TRMT13: variants seen among roughly 807,000 people sequenced by gnomAD.
TRMT13 encodes the protein tRNA:m(4)X modification enzyme TRM13 homolog.
Under a neutral mutation model 55.9 loss-of-function variants are expected in TRMT13, and 45 were observed. The ratio of observed to expected loss-of-function variants is 0.80; its 90% CI spans 0.63 to 1.03. TRMT13 has a LOEUF of 1.03. Among genes scored for constraint, TRMT13 ranks in the 50% least tolerant of loss-of-function variants. The pLI is 0.00. For synonymous variants in TRMT13, 183 were observed against 196.3 expected (o/e 0.93, Z 0.57); for missense variants, 513 against 563.9 (o/e 0.91, Z 0.91).
At chr1:100,134,335 G>T (rs902664862) in intron 1 of TRMT13, among the ~76,000 whole-genome samples, 4 of 152,106 alleles carry the variant, frequency 2.6e-5, no homozygotes, top group African/African-American at 9.7e-5. Context: ...TGTCCTTATA[G>T]TTCCACAGAA....
At chr1:100,138,150 G>T (rs17121940) in intron 3 of TRMT13, among the ~76,000 whole-genome samples, 1 of 152,154 alleles carries the variant, frequency 6.6e-6, no homozygotes, top group East Asian at 1.9e-4. Context: ...ATGCAAAGCA[G>T]TATTTATCTG....
chr1:100,137,162 C>A, intron 3 of TRMT13, 77 bp downstream of exon 3: 1 of 1,259,518 alleles, frequency 7.9e-7, no homozygotes. Context: ...ATGGAATGTA[C>A]TTGTTTCATA....
chr1:100,145,375 CTT>C (rs995914727), intron 9 of TRMT13, among the ~76,000 whole-genome samples: 1 of 152,202 alleles, frequency 6.6e-6, no homozygotes, highest in Admixed American at 6.5e-5. Flanking sequence ...GGAGTACACT[CTT>C]TTGACCTACA....
chr1:100,145,432 T>C (rs954289289), intron 9 of TRMT13, among the ~76,000 whole-genome samples: 1 of 152,228 alleles, frequency 6.6e-6, no homozygotes, highest in Non-Finnish European at 1.5e-5. Context: ...CTTGATTCAC[T>C]GTATCTGAAT....
At position 100,140,188 on chromosome 1, in the gene TRMT13, A is replaced by G. The variant is rs1463247594; in HGVS notation, c.331A>G (p.Ile111Val). 1 of 1,608,616 alleles carries G rather than the reference A, an allele frequency of 6.2e-7. No individual in the cohort carries two copies. The highest frequency in any genetic ancestry group is 1.1e-5 in the South Asian group (1 of 90,188). Residue 111 changes from isoleucine to valine, a missense_variant, in exon 5 of 11, where the codon ATT (isoleucine) becomes GTT (valine). This residue lies in a region of TRMT13 where 298 missense variants were observed against 290.3 expected (regional missense o/e 1.03). Transcript: ENST00000370141. ...GTTTTATTTTTGTATATAGGTTCCA[A>G]TTTCTTCTCTATCTGAAGAGCAGTT... ...ETEIPEQLVP[I>V]SSLSEEQLEK...
rs1657516718 is a variant in TRMT13 at position 100,148,116 on chromosome 1, G to A, written c.1040G>A (p.Gly347Asp). The A allele has an allele frequency of 6.2e-7, 1 of 1,614,192 alleles. No individual in the cohort carries two copies. The highest frequency in any genetic ancestry group is 1.3e-5 in the African/African-American group (1 of 75,056). ...HHRCDWRHYV[G>D]KEYFRALGLG... The stretch of plus-strand genomic sequence containing the variant: ...AGGTGTGATTGGAGACATTATGTGG[G>A]CAAAGAATATTTCAGGGCTCTAGGC... Residue 347 changes from glycine (G) to aspartate (D), a missense_variant, in exon 10 of 11, where the codon GGC becomes GAC. This residue lies in a region of TRMT13 where 209 missense variants were observed against 255.8 expected (regional missense o/e 0.82). Transcript: ENST00000370141.
At chr1:100,144,241 T>C (rs778394756) in intron 9 of TRMT13, 98 bp downstream of exon 9, 10 of 814,934 alleles carry the variant, frequency 1.2e-5, no homozygotes, top group Middle Eastern at 4.5e-4. Context: ...AGATATCTTA[T>C]GTTTACAACT....
intron 1 of TRMT13, among the ~76,000 whole-genome samples, chr1:100,133,749 A>C (rs373009899): frequency 1.3e-5 from 2 of 152,186 alleles, no homozygotes; most frequent in East Asian, 3.9e-4. Flanking sequence ...CTTTCTTTTA[A>C]AAATTTAGAC....
Position 100,149,131 on chromosome 1 carries a change from G to T in TRMT13, c.*311G>T, listed in dbSNP as rs771705823. 2 of 1,570,732 alleles carry T rather than the reference G, an allele frequency of 1.3e-6. No homozygotes were observed. Among genetic ancestry groups the T allele is most frequent in the African/African-American group, 2.8e-5 (2 of 72,466 alleles). On this transcript the variant is annotated 3_prime_UTR_variant, in exon 11 of 11. Transcript: ENST00000370141. ...TACATAACATGTCAACACATAATTAGCGTATTTCTGTTTGTATTAATTTTG... is the reference window on the plus strand; with the variant it reads ...TACATAACATGTCAACACATAATTATCGTATTTCTGTTTGTATTAATTTTG...
chr1:100,133,417 TC>T, intron 1 of TRMT13, 102 bp downstream of exon 1: 1 of 1,343,184 alleles, frequency 7.4e-7, no homozygotes, highest in Non-Finnish European at 1.0e-6. Flanking sequence ...TCTGCTTGTG[TC>T]CCCTGGATTC....
intron 1 of TRMT13, among the ~76,000 whole-genome samples, chr1:100,133,803 T>C (rs775856611): frequency 1.3e-5 from 2 of 152,232 alleles, no homozygotes; most frequent in South Asian, 2.1e-4. Flanking sequence ...CCCAGCACTT[T>C]GGGAGGCCGA....
In TRMT13 at chr1:100,141,007, C is replaced by G. The variant is rs372108290; in HGVS notation, c.657C>G (p.Thr219=). 2 of 1,611,324 alleles carry G rather than the reference C, an allele frequency of 1.2e-6. No homozygotes were observed. The highest frequency in any genetic ancestry group is 8.5e-7 in the Non-Finnish European group (1 of 1,178,574). Residue 219 remains threonine, a synonymous_variant, in exon 7 of 11, where the codon ACC becomes ACG. Coordinates refer to ENST00000370141, the MANE Select transcript of TRMT13 (RefSeq NM_019083.3). ...KVHFILVEKV[T]TRFKVDGKHR... ...ACTTCATCCTAGTGGAAAAGGTGAC[C>G]ACAAGATTCAAGGTAAGTGAAACCA...
intron 3 of TRMT13, 48 bp downstream of exon 3, chr1:100,137,133 G>A (rs776523455): frequency 3.4e-6 from 5 of 1,449,646 alleles, no homozygotes; most frequent in Non-Finnish European, 4.8e-6. Context: ...GGTATGTAAT[G>A]CCTTGGTAGA....
chr1:100,148,772 G>C lies in TRMT13; in HGVS notation c.1398G>C (p.Leu466Phe). 1 of 1,557,888 alleles carries C rather than the reference G, an allele frequency of 6.4e-7. No homozygotes were observed. Among genetic ancestry groups the C allele is most frequent in the Middle Eastern group, 1.7e-4 (1 of 5,940 alleles). Residue 466 changes from leucine (L) to phenylalanine (F), a missense_variant, in exon 11 of 11, where the codon TTG becomes TTC. Leu to Phe is a conservative substitution (Grantham distance 22, BLOSUM62 0). Transcript: ENST00000370141. ...TDPLVSLENVLLTALPNHSSS... is the reference protein window; with the variant it reads ...TDPLVSLENVFLTALPNHSSS... ...CTCTGGTGTCTTTGGAAAATGTTTT[G>C]TTAACTGCTTTACCAAATCATTCTT... is the stretch of plus-strand genomic sequence containing the variant.
chr1:100,145,367 A>C (rs1204079993), intron 9 of TRMT13, among the ~76,000 whole-genome samples: 1 of 152,200 alleles, frequency 6.6e-6, no homozygotes, highest in Non-Finnish European at 1.5e-5. Context: ...GGTAGGAGGG[A>C]GTACACTCTT....
chr1:100,139,569 A>T (rs1656338009), intron 3 of TRMT13, 80 bp from the exon 4 acceptor site: 1 of 813,586 alleles, frequency 1.2e-6, no homozygotes, highest in Non-Finnish European at 2.1e-6. Flanking sequence ...CAGGGGATAA[A>T]GGGAAGAATC....
intron 2 of TRMT13, 43 bp from the exon 3 acceptor site, chr1:100,136,976 T>A: frequency 3.1e-6 from 5 of 1,601,880 alleles, no homozygotes; most frequent in Non-Finnish European, 4.3e-6. Context: ...GAAACAGTAA[T>A]TGGCACAAGT....
At chr1:100,141,144 C>G in intron 7 of TRMT13, 125 bp downstream of exon 7, 1 of 896,662 alleles carries the variant, frequency 1.1e-6, no homozygotes, top group East Asian at 2.7e-5. Context: ...TTTGTTGTAG[C>G]TTTTTATTAG....
In TRMT13 at chr1:100,133,279, GA is replaced by G; in HGVS notation, c.115del (p.Arg39AspfsTer23). ...RFCRMVVAAG[K>X]RFCGEHAGAA... Reference sequence around the variant, plus strand: ...TCTGCAGGATGGTGGTGGCCGCAGGGAAAAGATTTTGTGGTGAACACGCTGG... The same window carrying G: ...TCTGCAGGATGGTGGTGGCCGCAGGGAAAGATTTTGTGGTGAACACGCTGG... On this transcript the variant is annotated frameshift_variant, in exon 1 of 11. Transcript: ENST00000370141. LOFTEE classifies it high-confidence loss of function. 6.2e-7 allele frequency: 1 copy of G among 1,614,018 alleles called. No homozygotes were observed. Among genetic ancestry groups the G allele is most frequent in the Non-Finnish European group, 8.5e-7 (1 of 1,179,926 alleles).
Sources: gnomAD v4.1 joint callset for allele counts (sites outside exome capture counted in the v4.1 genomes callset) on GRCh38, gnomAD v4.1.1 for gene constraint, gnomAD v4.1.1 regional missense constraint, MANE v1.5 for transcripts, NCBI Gene and HGNC (gene_info 2026-07-23, HGNC 2026-07-21) for gene names.